PRKG1: variants seen among roughly 807,000 people sequenced by gnomAD.
The protein encoded by PRKG1 is protein kinase cGMP-dependent 1.
Under a neutral mutation model 88.1 loss-of-function variants are expected in PRKG1, and 35 were observed. The observed-to-expected ratio is 0.40, with a 90% CI of 0.30 to 0.53. The LOEUF is 0.53. Ranked by LOEUF, PRKG1 falls within the 20% of genes least tolerant of loss-of-function variation. The probability of loss-of-function intolerance (pLI) is 0.59; values close to 1 mark genes in which losing one functional copy is unlikely to be tolerated. For synonymous variants in PRKG1, 303 were observed against 292.5 expected (o/e 1.04, Z -0.37); for missense variants, 540 against 839.8 (o/e 0.64, Z 4.41).
intron 5 of PRKG1, among the ~76,000 whole-genome samples, chr10:51,972,967 C>A (rs1476015743): frequency 6.6e-6 from 1 of 152,096 alleles, no homozygotes; most frequent in Non-Finnish European, 1.5e-5. Flanking sequence ...AGTCACTGAT[C>A]TGGTCAGACT....
chr10:51,753,340 A>G (rs929195832), intron 3 of PRKG1, among the ~76,000 whole-genome samples: 3 of 151,986 alleles, frequency 2.0e-5, no homozygotes, highest in Non-Finnish European at 2.9e-5. Flanking sequence ...TAAGATGTCA[A>G]TTACTGTTTA....
intron 9 of PRKG1, among the ~76,000 whole-genome samples, chr10:52,171,344 C>T (rs1838670212): frequency 6.6e-6 from 1 of 152,030 alleles, no homozygotes; most frequent in African/African-American, 2.4e-5. Context: ...ATTAAATAGA[C>T]AAAACACTGA....
intron 2 of PRKG1, among the ~76,000 whole-genome samples, chr10:51,344,622 C>T (rs1353286391): frequency 6.6e-6 from 1 of 152,090 alleles, no homozygotes; most frequent in Non-Finnish European, 1.5e-5. Flanking sequence ...TGATGTCTTA[C>T]TCAGAAGAGA....
intron 3 of PRKG1, chr10:51,696,321 T>C (rs1173389629): frequency 1.3e-5 from 2 of 152,170 alleles, no homozygotes; most frequent in Non-Finnish European, 2.9e-5. Flanking sequence ...GAAAGCCAGA[T>C]ACCAAGAAAC....
At chr10:51,196,872 T>C (rs1837781346) in intron 2 of PRKG1, among the ~76,000 whole-genome samples, 1 of 152,232 alleles carries the variant, frequency 6.6e-6, no homozygotes, top group Non-Finnish European at 1.5e-5. Context: ...TCAAATTGTT[T>C]CATAATATAT....
At chr10:51,224,776 A>G (rs1229532017) in intron 2 of PRKG1, among the ~76,000 whole-genome samples, 2 of 152,172 alleles carry the variant, frequency 1.3e-5, no homozygotes, top group South Asian at 2.1e-4. Flanking sequence ...TCCAAGCCCT[A>G]TTTCATCATC....
chr10:51,352,840 A>T (rs546507406), intron 2 of PRKG1, among the ~76,000 whole-genome samples: 1 of 152,228 alleles, frequency 6.6e-6, no homozygotes, highest in Admixed American at 6.5e-5. Context: ...TGGAGGAATC[A>T]TATTACCTGA....
chr10:51,727,191 A>C (rs777303863), intron 3 of PRKG1, among the ~76,000 whole-genome samples: 1 of 151,634 alleles, frequency 6.6e-6, no homozygotes, highest in Non-Finnish European at 1.5e-5. Context: ...CTGTGGTCCC[A>C]GCTATTTGGG....
At chr10:52,099,850 A>T (rs1449620639) in intron 7 of PRKG1, among the ~76,000 whole-genome samples, 3 of 152,314 alleles carry the variant, frequency 2.0e-5, no homozygotes, top group African/African-American at 7.2e-5. Context: ...AGATTTGGGC[A>T]CTTGCCTCCT....
chr10:51,915,794 T>G (rs1842326103), intron 5 of PRKG1, among the ~76,000 whole-genome samples: 1 of 152,100 alleles, frequency 6.6e-6, no homozygotes, highest in Non-Finnish European at 1.5e-5. Context: ...AGAAAAGCAC[T>G]TGAATAGACC....
chr10:51,056,604 C>T lies in PRKG1; in HGVS notation c.266+64960C>T, dbSNP rs147345036. Reference sequence around the variant, plus strand: ...ACCCTAGGCTTTTCAGTATCCAATTCATTTGACATCATGCTGTTGGAATAG... The same window carrying T: ...ACCCTAGGCTTTTCAGTATCCAATTTATTTGACATCATGCTGTTGGAATAG... On this transcript the variant is annotated intron_variant, in intron 1 of 17. Transcript: ENST00000401604. Among the ~76,000 whole-genome samples the T allele has an allele frequency of 3.1e-3, 466 of 152,292 alleles. 1 individual carries two copies. Among genetic ancestry groups the T allele is most frequent in the Non-Finnish European group, 5.1e-3 (347 of 68,024 alleles).
At chr10:51,152,474 A>G (rs887510829) in intron 1 of PRKG1, among the ~76,000 whole-genome samples, 8 of 152,050 alleles carry the variant, frequency 5.3e-5, no homozygotes, top group Non-Finnish European at 7.4e-5. Flanking sequence ...TTAATCCAAA[A>G]TATTACTTGA....
intron 1 of PRKG1, among the ~76,000 whole-genome samples, chr10:51,024,491 G>A (rs1024342733): frequency 1.1e-4 from 16 of 152,022 alleles, no homozygotes; most frequent in Non-Finnish European, 2.1e-4. Context: ...ATAACCTATG[G>A]CATAGATACT....
chr10:52,292,790 C>T (rs1472515692), intron 17 of PRKG1, among the ~76,000 whole-genome samples: 1 of 151,650 alleles, frequency 6.6e-6, no homozygotes, highest in Admixed American at 6.6e-5. Flanking sequence ...TATGACAAAC[C>T]CACAGCCAAT....
At chr10:52,067,839 G>T (rs1047450478) in intron 7 of PRKG1, among the ~76,000 whole-genome samples, 45 of 152,060 alleles carry the variant, frequency 3.0e-4, no homozygotes, top group South Asian at 6.2e-4. Flanking sequence ...GTGTTTAAGA[G>T]CAATCACTTC....
intron 7 of PRKG1, among the ~76,000 whole-genome samples, chr10:52,130,933 A>C (rs1426112057): frequency 6.6e-6 from 1 of 152,174 alleles, no homozygotes. Flanking sequence ...AGAAATAATA[A>C]ACAACAGAAC....
chr10:51,292,736 G>T (rs987548102), intron 2 of PRKG1, among the ~76,000 whole-genome samples: 2 of 151,936 alleles, frequency 1.3e-5, no homozygotes, highest in East Asian at 1.9e-4. Flanking sequence ...TCCTTTTCTA[G>T]GTCTGCCTAT....
At chr10:52,264,576 C>A (rs889193902) in intron 10 of PRKG1, among the ~76,000 whole-genome samples, 1 of 151,964 alleles carries the variant, frequency 6.6e-6, no homozygotes, top group African/African-American at 2.4e-5. Flanking sequence ...TTAAAGAGAG[C>A]CAAAACTAAA....
At chr10:51,021,745 A>G (rs1427220225) in intron 1 of PRKG1, among the ~76,000 whole-genome samples, 2 of 152,076 alleles carry the variant, frequency 1.3e-5, no homozygotes, top group East Asian at 3.9e-4. Flanking sequence ...CAATGGTGCA[A>G]TCTTGGTTCA....
Sources: gnomAD v4.1 joint callset for allele counts (sites outside exome capture counted in the v4.1 genomes callset) on GRCh38, gnomAD v4.1.1 for gene constraint, MANE v1.5 for transcripts, NCBI Gene and HGNC (gene_info 2026-07-23, HGNC 2026-07-21) for gene names.